RAB5B: variants seen among roughly 807,000 people sequenced by gnomAD.
The protein encoded by RAB5B is RAB5B, member RAS oncogene family.
In RAB5B, 11 loss-of-function variants were observed where a neutral mutation model predicts 28.6. The ratio of observed to expected loss-of-function variants is 0.38; its 90% CI spans 0.24 to 0.64. The LOEUF (loss-of-function observed/expected upper bound fraction) is 0.64. Among genes scored for constraint, RAB5B ranks in the 30% least tolerant of loss-of-function variants. The pLI is 0.53. For synonymous variants in RAB5B, 93 were observed against 97.9 expected, an observed-to-expected ratio of 0.95 and a Z score of 0.29; for missense variants, 169 against 265.6, an observed-to-expected ratio of 0.64 and a Z score of 2.53.
chr12:55,990,072 A>G lies in RAB5B; in HGVS notation c.289A>G (p.Ile97Val), dbSNP rs146500812. The change falls in exon 3 of 6, where the codon ATC (isoleucine) becomes GTC (valine). Residue 97 changes from isoleucine (I) to valine (V), a missense_variant. Transcript: ENST00000360299. ...GTACTACAGGGGTGCCCAAGCTGCA[A>G]TCGTGGTTTACGACATTACTAATCA... ...PMYYRGAQAA[I>V]VVYDITNQET... 1.4e-4 allele frequency: 222 copies of G among 1,614,080 alleles called. 1 individual carries two copies. In the African/African-American group the frequency reaches 1.8e-3, roughly 13 times the overall value.
intron 1 of RAB5B, among the ~76,000 whole-genome samples, chr12:55,978,464 A>G (rs1282794187): frequency 6.6e-6 from 1 of 151,874 alleles, no homozygotes; most frequent in Non-Finnish European, 1.5e-5. Context: ...AGATCGCGTC[A>G]CTGCACTCCA....
In RAB5B at chr12:55,992,214, G is replaced by T. The variant is rs776739155; in HGVS notation, c.*2G>T. ...AAGAGCCAGTGTTGTAGCAACTGAGGGGGTGGCTAGCAGCAAACAAGTATG... is the reference window on the plus strand; with the variant it reads ...AAGAGCCAGTGTTGTAGCAACTGAGTGGGTGGCTAGCAGCAAACAAGTATG... On this transcript the variant is annotated 3_prime_UTR_variant, in exon 6 of 6. Transcript: ENST00000360299. 6 of 1,610,132 alleles carry T rather than the reference G, an allele frequency of 3.7e-6. No individual in the cohort carries two copies. In the East Asian group the frequency reaches 6.7e-5, roughly 18 times the overall value.
chr12:55,988,214 C>T (rs897111884), intron 2 of RAB5B, among the ~76,000 whole-genome samples: 1 of 152,082 alleles, frequency 6.6e-6, no homozygotes, highest in African/African-American at 2.4e-5. Flanking sequence ...TGCCTGTAAT[C>T]CCAGCTACTT....
intron 1 of RAB5B, among the ~76,000 whole-genome samples, chr12:55,976,662 T>C (rs879647196): frequency 6.6e-6 from 1 of 152,190 alleles, no homozygotes; most frequent in Non-Finnish European, 1.5e-5. Flanking sequence ...TTTGTCTTTC[T>C]TTTCTTTTCT....
In RAB5B at chr12:55,990,098, G is replaced by GGTAA; in HGVS notation, c.315+3_315+6dup. On this transcript the variant is annotated frameshift_variant and splice_region_variant. Transcript: ENST00000360299. LOFTEE classifies it high-confidence loss of function. ...TCGTGGTTTACGACATTACTAATCAGGTAAGTGAGCTAAGAAGACTGTCCT... is the reference window on the plus strand; with the variant it reads ...TCGTGGTTTACGACATTACTAATCAGGTAAGTAAGTGAGCTAAGAAGACTGTCCT... 6.2e-7 allele frequency: 1 copy of GGTAA among 1,612,546 alleles called. No individual in the cohort carries two copies.
intron 3 of RAB5B, among the ~76,000 whole-genome samples, chr12:55,990,473 G>A (rs1468509971): frequency 6.6e-6 from 1 of 152,108 alleles, no homozygotes; most frequent in Non-Finnish European, 1.5e-5. Flanking sequence ...CAGGGGGTAA[G>A]GGGGCAGAAA....
At position 55,992,916 on chromosome 12, in the gene RAB5B, G is replaced by GT. The variant is rs1352535395; in HGVS notation, c.*705dup. 8 of 237,486 alleles carry GT rather than the reference G, an allele frequency of 3.4e-5. No individual in the cohort carries two copies. Among genetic ancestry groups the GT allele is most frequent in the Non-Finnish European group, 1.6e-5 (2 of 122,220 alleles). The allele number at this position is 237,486 out of a possible 1,614,324, so 14.7% of individuals were successfully genotyped here. On this transcript the variant is annotated 3_prime_UTR_variant, in exon 6 of 6. Coordinates refer to ENST00000360299, the MANE Select transcript of RAB5B (RefSeq NM_002868.4). Reference sequence around the variant, plus strand: ...AACTGGGCGGAGGTGGAGGTGCAGTGTCAACTGTGGCTCTGTAACTCTTCA... The same window carrying GT: ...AACTGGGCGGAGGTGGAGGTGCAGTGTTCAACTGTGGCTCTGTAACTCTTCA...
Position 55,990,214 on chromosome 12 carries a change from C to G in RAB5B, c.315+116C>G. On this transcript the variant is annotated intron_variant, in intron 3 of 5. Transcript: ENST00000360299. ...CATGAGGTCAAGAGATTGAGACCAT[C>G]CTGGCCAACATGGTGAAACCCCGTC... is the stretch of plus-strand genomic sequence containing the variant. 6.8e-6 allele frequency: 8 copies of G among 1,178,840 alleles called. No homozygotes were observed. In the South Asian group the frequency reaches 1.2e-4, roughly 18 times the overall value. 73.0% of individuals were successfully genotyped at this position (1,178,840 alleles called of 1,614,324 possible).
intron 2 of RAB5B, among the ~76,000 whole-genome samples, chr12:55,987,326 A>C (rs1187216764): frequency 1.3e-5 from 2 of 151,746 alleles, no homozygotes; most frequent in Middle Eastern, 3.4e-3. Context: ...GCACCTGTCT[A>C]ATTTTTGTAT....
Position 55,994,063 on chromosome 12 carries a change from A to G in RAB5B, c.*1851A>G, listed in dbSNP as rs1355107961. On this transcript the variant is annotated 3_prime_UTR_variant, in exon 6 of 6. Transcript: ENST00000360299. The stretch of plus-strand genomic sequence containing the variant: ...TGGCTTGCAGACTGCCTTCTATCCC[A>G]GAACAGCTGAGAAATCTATGAAGCT... 6.6e-6 allele frequency: 1 copy of G among 152,648 alleles called. No individual in the cohort carries two copies. The highest frequency in any genetic ancestry group is 2.4e-5 in the African/African-American group (1 of 41,444). The allele number at this position is 152,648 out of a possible 1,614,324, so 9.5% of individuals were successfully genotyped here.
At chr12:55,982,097 C>T (rs773112) in intron 1 of RAB5B, among the ~76,000 whole-genome samples, 36,164 of 151,822 alleles carry the variant, frequency 0.24, 5,083 homozygotes, top group Non-Finnish European at 0.32. Flanking sequence ...TCACTGCACC[C>T]GGCAGAGCTG....
chr12:55,989,902 A>G (rs1056696314), intron 2 of RAB5B, 45 bp from the exon 3 acceptor site: 3 of 1,573,366 alleles, frequency 1.9e-6, no homozygotes, highest in African/African-American at 2.7e-5. Context: ...GTTCCCATTC[A>G]TCCTCCCACT....
intron 1 of RAB5B, chr12:55,980,974 G>T (rs770407160): frequency 3.7e-5 from 60 of 1,613,814 alleles, no homozygotes; most frequent in Middle Eastern, 1.6e-4. Context: ...GACAAGTCTT[G>T]CCCACCCCCG....
chr12:55,991,964 A>T, intron 5 of RAB5B, 133 bp from the exon 6 acceptor site: 1 of 650,406 alleles, frequency 1.5e-6, no homozygotes. Context: ...GAACCCTCCC[A>T]TCTTCAGAAC....
rs1890179336 is a variant in RAB5B, at chr12:55,992,926, G to T, written c.*714G>T. On this transcript the variant is annotated 3_prime_UTR_variant, in exon 6 of 6. Transcript: ENST00000360299. ...AGGTGGAGGTGCAGTGTCAACTGTG[G>T]CTCTGTAACTCTTCAAAGGCCCAGT... 8.9e-6 allele frequency: 2 copies of T among 224,384 alleles called. No homozygotes were observed. The highest frequency in any genetic ancestry group is 1.7e-5 in the Non-Finnish European group (2 of 114,698). 13.9% of individuals were successfully genotyped at this position (224,384 alleles called of 1,614,324 possible).
intron 1 of RAB5B, among the ~76,000 whole-genome samples, chr12:55,983,238 C>G (rs1484994288): frequency 6.6e-6 from 1 of 152,060 alleles, no homozygotes; most frequent in Non-Finnish European, 1.5e-5. Context: ...GGCGCTACAC[C>G]CAGCTAATTT....
At position 55,995,641 on chromosome 12, in the gene RAB5B, G is replaced by C. The variant is rs898011054; in HGVS notation, c.*3429G>C. 1.3e-5 allele frequency: 2 copies of C among 152,120 alleles called. No homozygotes were observed. The highest frequency in any genetic ancestry group is 4.8e-5 in the African/African-American group (2 of 41,410). The allele number at this position is 152,120 out of a possible 1,614,324, so 9.4% of individuals were successfully genotyped here. ...TTTAAATTCCAAAGAATCTGAAGGT[G>C]GATAGGAAAGAGGACTGGTGCCAGA... is the stretch of plus-strand genomic sequence containing the variant. On this transcript the variant is annotated 3_prime_UTR_variant, in exon 6 of 6. Coordinates refer to ENST00000360299, the MANE Select transcript of RAB5B (RefSeq NM_002868.4).
At chr12:55,991,115 C>T in intron 4 of RAB5B, 1 of 537,434 alleles carries the variant, frequency 1.9e-6, no homozygotes, top group Non-Finnish European at 3.3e-6. Flanking sequence ...CCAAAAGCCC[C>T]CAACTAACTT....
intron 1 of RAB5B, among the ~76,000 whole-genome samples, chr12:55,983,944 G>A (rs1379674629): frequency 1.3e-5 from 2 of 152,062 alleles, no homozygotes; most frequent in African/African-American, 2.4e-5. Flanking sequence ...ACAGGCATGG[G>A]CCGCTCTGCC....
Sources: gnomAD v4.1 joint callset for allele counts (sites outside exome capture counted in the v4.1 genomes callset) on GRCh38, gnomAD v4.1.1 for gene constraint, MANE v1.5 for transcripts, NCBI Gene and HGNC (gene_info 2026-07-23, HGNC 2026-07-21) for gene names.